Variants in DPY19L1 observed in about 807,000 individuals in gnomAD.
The protein encoded by DPY19L1 is protein C-mannosyl-transferase DPY19L1.
A neutral mutation model predicts 96.9 loss-of-function variants in DPY19L1; 35 were observed. That is an observed-to-expected ratio of 0.36 (90% CI 0.28 to 0.48). The LOEUF (loss-of-function observed/expected upper bound fraction) is 0.48, where lower values mean the gene tolerates loss of function less well. Among genes scored for constraint, DPY19L1 ranks in the 20% least tolerant of loss-of-function variants. The pLI is 0.99. For missense variants in DPY19L1, 521 were observed against 777.9 expected (o/e 0.67, Z 3.93); for synonymous variants, 205 against 252.6 (o/e 0.81, Z 1.79).
intron 7 of DPY19L1, among the ~76,000 whole-genome samples, 188 bp from the exon 8 acceptor site, chr7:34,973,793 A>C (rs1201489714): frequency 1.3e-5 from 2 of 152,208 alleles, no homozygotes; most frequent in Non-Finnish European, 2.9e-5. Flanking sequence ...ACAGAGACAC[A>C]TGTGGCTTAA....
intron 7 of DPY19L1, among the ~76,000 whole-genome samples, chr7:34,979,722 C>G (rs1240612755): frequency 6.6e-6 from 1 of 152,006 alleles, no homozygotes; most frequent in African/African-American, 2.4e-5. Flanking sequence ...CATAAAATAT[C>G]TAGAGATTAA....
At chr7:35,018,540 T>A in intron 2 of DPY19L1, 32 bp downstream of exon 2, 1 of 1,596,028 alleles carries the variant, frequency 6.3e-7, no homozygotes. Context: ...AACGTCTGCA[T>A]AAAATACCAT....
chr7:34,983,969 T>C (rs1335851964), intron 7 of DPY19L1, among the ~76,000 whole-genome samples: 1 of 146,828 alleles, frequency 6.8e-6, no homozygotes, highest in Non-Finnish European at 1.5e-5. Flanking sequence ...AAAAGACACA[T>C]TACATTCAGA....
chr7:35,036,674 C>A (rs975761772), intron 1 of DPY19L1, among the ~76,000 whole-genome samples: 52 of 152,258 alleles, frequency 3.4e-4, no homozygotes, highest in African/African-American at 1.2e-3. Context: ...ATGGAACGTG[C>A]GTTTGCTTTG....
chr7:34,970,751 T>C (rs1168050622), intron 8 of DPY19L1, among the ~76,000 whole-genome samples: 2 of 148,894 alleles, frequency 1.3e-5, no homozygotes, highest in African/African-American at 2.5e-5. Flanking sequence ...TGTGGGGAGA[T>C]AGGAGTGAAC....
At chr7:34,952,948 A>G (rs1784299522) in intron 13 of DPY19L1, among the ~76,000 whole-genome samples, 1 of 152,170 alleles carries the variant, frequency 6.6e-6, no homozygotes, top group Non-Finnish European at 1.5e-5. Flanking sequence ...ATTTTTACCT[A>G]GGTTGCTCCC....
At chr7:35,025,100 A>C (rs1193126872) in intron 1 of DPY19L1, among the ~76,000 whole-genome samples, 1 of 152,214 alleles carries the variant, frequency 6.6e-6, no homozygotes, top group African/African-American at 2.4e-5. Flanking sequence ...ACCTGGAATC[A>C]AAGCCCAGTT....
chr7:35,024,109 A>G (rs329249), intron 1 of DPY19L1, among the ~76,000 whole-genome samples: 71,772 of 151,776 alleles, frequency 0.47, 17,398 homozygotes, highest in Admixed American at 0.61. Context: ...GTGCCGGGAT[A>G]ACAGGCATGA....
At chr7:34,983,908 C>A (rs1179853487) in intron 7 of DPY19L1, among the ~76,000 whole-genome samples, 1 of 152,062 alleles carries the variant, frequency 6.6e-6, no homozygotes, top group Non-Finnish European at 1.5e-5. Context: ...GGTTTACCAC[C>A]ATCAAACCAA....
At chr7:34,964,929 A>G (rs1340384720) in intron 10 of DPY19L1, among the ~76,000 whole-genome samples, 1 of 152,236 alleles carries the variant, frequency 6.6e-6, no homozygotes. Flanking sequence ...AAAGATGCTC[A>G]GCTTCATTAT....
intron 2 of DPY19L1, 66 bp downstream of exon 2, chr7:35,018,506 G>T: frequency 7.2e-7 from 1 of 1,381,092 alleles, no homozygotes; most frequent in Admixed American, 1.8e-5. Flanking sequence ...TTAAATGTAT[G>T]GGAAATAGCT....
intron 6 of DPY19L1, among the ~76,000 whole-genome samples, chr7:34,994,019 T>C (rs1479984946): frequency 1.3e-5 from 2 of 152,124 alleles, no homozygotes; most frequent in African/African-American, 4.8e-5. Context: ...TAAGCTGAGA[T>C]TGCGCCGTGG....
intron 1 of DPY19L1, among the ~76,000 whole-genome samples, chr7:35,023,825 TTTC>T (rs1438473657): frequency 1.5e-5 from 2 of 137,820 alleles, no homozygotes; most frequent in East Asian, 2.0e-4. Flanking sequence ...TTCTTTTTCT[TTTC>T]TTTTCTTTTT....
intron 7 of DPY19L1, among the ~76,000 whole-genome samples, chr7:34,986,258 A>T (rs917386787): frequency 2.6e-5 from 4 of 152,016 alleles, no homozygotes; most frequent in African/African-American, 4.8e-5. Flanking sequence ...GACTACAGTT[A>T]ATGTATTGCA....
chr7:35,025,390 G>T (rs1786096925), intron 1 of DPY19L1, among the ~76,000 whole-genome samples: 1 of 151,868 alleles, frequency 6.6e-6, no homozygotes, highest in African/African-American at 2.4e-5. Context: ...AATAATAAGA[G>T]AACACATTAA....
At chr7:35,029,183 G>A (rs752323030) in intron 1 of DPY19L1, among the ~76,000 whole-genome samples, 7 of 152,110 alleles carry the variant, frequency 4.6e-5, no homozygotes, top group Non-Finnish European at 8.8e-5. Context: ...GCTCTGATTC[G>A]AATGACTTTG....
chr7:35,005,538 C>A (rs1417074487), intron 6 of DPY19L1, among the ~76,000 whole-genome samples: 1 of 150,316 alleles, frequency 6.7e-6, no homozygotes, highest in Non-Finnish European at 1.5e-5. Flanking sequence ...GTGGCTCACA[C>A]CTGTAATCCC....
chr7:34,943,760 T>G (rs1784076873), intron 16 of DPY19L1, among the ~76,000 whole-genome samples: 1 of 152,204 alleles, frequency 6.6e-6, no homozygotes, highest in South Asian at 2.1e-4. Flanking sequence ...TTTGTTTCTG[T>G]GAGAAGTTCC....
chr7:35,008,342 CA>C (rs796467395), intron 6 of DPY19L1, among the ~76,000 whole-genome samples: 5 of 152,252 alleles, frequency 3.3e-5, no homozygotes, highest in African/African-American at 1.2e-4. Flanking sequence ...CCCATGTAGA[CA>C]AAAAACTGTC....
Sources: gnomAD v4.1 joint callset for allele counts (sites outside exome capture counted in the v4.1 genomes callset) on GRCh38, gnomAD v4.1.1 for gene constraint, MANE v1.5 for transcripts, NCBI Gene and HGNC (gene_info 2026-07-23, HGNC 2026-07-21) for gene names.